AP3D1: variants seen among roughly 807,000 people sequenced by gnomAD.
AP3D1 encodes the protein adaptor related protein complex 3 subunit delta 1.
In AP3D1, 51 loss-of-function variants were observed where a neutral mutation model predicts 147.6. The observed-to-expected ratio is 0.35, with a 90% confidence interval of 0.28 to 0.44. The LOEUF (loss-of-function observed/expected upper bound fraction) is 0.44, where lower values mean the gene tolerates loss of function less well. AP3D1 is among the 20% of genes least tolerant of loss of function. The pLI is 1.00. For missense variants in AP3D1, 1,421 were observed against 1,624.2 expected (o/e 0.87, Z 2.15); for synonymous variants, 760 against 663.0 (o/e 1.15, Z -2.25).
intron 2 of AP3D1, 21 bp downstream of exon 2, chr19:2,138,598 T>A: frequency 1.9e-6 from 3 of 1,600,192 alleles, no homozygotes; most frequent in Non-Finnish European, 2.6e-6. Flanking sequence ...TGCTGGGCGC[T>A]GGCCACTGGG....
In AP3D1 at chr19:2,114,246, G is replaced by A. The variant is rs201113408; in HGVS notation, c.2480C>T (p.Ser827Leu). The A allele has an allele frequency of 4.2e-5, 68 of 1,613,614 alleles. No individual in the cohort carries two copies. In the Middle Eastern group the frequency reaches 1.8e-3, roughly 43 times the overall value. ...PIQKHRNTET[S>L]KSPEKDVPMV... ...GGGAACGTCCTTCTCAGGGGATTTT[G>A]AGGTCTCGGTGTTTCTGTGTTTCTG... Residue 827 changes from serine (S) to leucine (L), a missense_variant, in exon 22 of 32, where the codon TCA (serine) becomes TTA (leucine). Coordinates refer to ENST00000643116, the MANE Select transcript of AP3D1 (RefSeq NM_001261826.3).
chr19:2,116,611 C>A lies in AP3D1; in HGVS notation c.1995G>T (p.Leu665=). 1 of 1,593,838 alleles carries A rather than the reference C, an allele frequency of 6.3e-7. No homozygotes were observed. ...HRPSEADEEE[L]ARRREARKQE... ...GGGGCAGCCAGCAGCTCACCCGAGC[C>A]AGCTCTTCCTCGTCCGCCTCCGACG... Residue 665 remains leucine (L), a synonymous_variant, in exon 17 of 32, where the codon CTG becomes CTT. Coordinates refer to ENST00000643116, the MANE Select transcript of AP3D1 (RefSeq NM_001261826.3).
chr19:2,108,181 G>A (rs996490109), intron 31 of AP3D1, among the ~76,000 whole-genome samples: 1 of 152,138 alleles, frequency 6.6e-6, no homozygotes, highest in Non-Finnish European at 1.5e-5. Context: ...AACCAAAGAA[G>A]CCACCAGAAA....
Position 2,102,040 on chromosome 19 carries a change from G to A in AP3D1, c.*133C>T, listed in dbSNP as rs1221882474. The stretch of plus-strand genomic sequence containing the variant: ...AACAAATGACCTCGGATGTCTACAC[G>A]GCGGACAACATAGAGTTAAATTAAC... On this transcript the variant is annotated 3_prime_UTR_variant, in exon 32 of 32. Transcript: ENST00000643116. 9 of 681,172 alleles carry A rather than the reference G, an allele frequency of 1.3e-5. No homozygotes were observed. Among genetic ancestry groups the A allele is most frequent in the African/African-American group, 7.3e-5 (4 of 54,984 alleles). 42.2% of individuals were successfully genotyped at this position (681,172 alleles called of 1,614,324 possible).
Position 2,115,327 on chromosome 19 carries a change from C to A in AP3D1, c.2241G>T (p.Lys747Asn). ...GGCGCTTGCCCTTCTTCTCCTTCTC[C>A]TTCCTCTTTTTCCTCCTCTTGTCCT... ...LEKDKRRKKR[K>N]EKEKKGKRRH... The change falls in exon 20 of 32, where the codon AAG becomes AAT. Residue 747 changes from lysine to asparagine, a missense_variant. Lys to Asn is a moderately conservative substitution (Grantham distance 94, BLOSUM62 0). Around this residue, in one of 6 missense-constraint regions of AP3D1, gnomAD observed 791 missense variants for 761.4 expected, o/e 1.04. Coordinates refer to ENST00000643116, the MANE Select transcript of AP3D1 (RefSeq NM_001261826.3). The A allele has an allele frequency of 6.2e-7, 1 of 1,611,402 alleles. No homozygotes were observed. Among genetic ancestry groups the A allele is most frequent in the Non-Finnish European group, 8.5e-7 (1 of 1,179,912 alleles).
At chr19:2,124,950 G>A (rs1599466379) in intron 9 of AP3D1, among the ~76,000 whole-genome samples, 2 of 151,894 alleles carry the variant, frequency 1.3e-5, no homozygotes, top group African/African-American at 4.8e-5. Context: ...CCCCCCCACC[G>A]CCCCAAAAAA....
At chr19:2,102,344 A>G in intron 31 of AP3D1, 76 bp from the exon 32 acceptor site, 1 of 1,356,150 alleles carries the variant, frequency 7.4e-7, no homozygotes, top group Non-Finnish European at 1.0e-6. Flanking sequence ...CTGTGATCCC[A>G]GCATTTTGGG....
chr19:2,107,293 C>G (rs2144999313), intron 31 of AP3D1, among the ~76,000 whole-genome samples: 1 of 151,162 alleles, frequency 6.6e-6, no homozygotes, highest in Admixed American at 6.6e-5. Context: ...GTATCAAAAC[C>G]ACAACAGACC....
intron 5 of AP3D1, among the ~76,000 whole-genome samples, chr19:2,131,430 C>CTCCA: frequency 6.7e-6 from 1 of 149,362 alleles, no homozygotes. Flanking sequence ...ATCTAGACAC[C>CTCCA]GGGTGGACAG....
chr19:2,151,873 T>G (rs1179527264), upstream of AP3D1, among the ~76,000 whole-genome samples: 1 of 152,196 alleles, frequency 6.6e-6, no homozygotes, highest in Non-Finnish European at 1.5e-5. Context: ...TGAGCGTGGC[T>G]GGATGTGGGC....
At chr19:2,142,890 A>G (rs2019259015) in intron 1 of AP3D1, among the ~76,000 whole-genome samples, 1 of 151,558 alleles carries the variant, frequency 6.6e-6, no homozygotes, top group South Asian at 2.1e-4. Flanking sequence ...TCAGCCTCCC[A>G]AGTAGCTGGG....
At position 2,111,752 on chromosome 19, in the gene AP3D1, T is replaced by G. The variant is rs768347532; in HGVS notation, c.2864A>C (p.Lys955Thr). The change falls in exon 25 of 32, where the codon AAG (lysine) becomes ACG (threonine). Residue 955 changes from lysine (K) to threonine (T), a missense_variant. Around this residue, in one of 6 missense-constraint regions of AP3D1, gnomAD observed 791 missense variants for 761.4 expected, o/e 1.04. Transcript: ENST00000643116. Reference protein sequence around the residue: ...ERTKGKKKSKKQPPGSEEAAG... With the variant: ...ERTKGKKKSKTQPPGSEEAAG... Reference sequence around the variant, plus strand: ...TGCCTCCTCGCTGCCTGGAGGCTGCTTCTTGGACTTCTTCTTGCCTTTGGT... The same window carrying G: ...TGCCTCCTCGCTGCCTGGAGGCTGCGTCTTGGACTTCTTCTTGCCTTTGGT... 3 of 1,611,024 alleles carry G rather than the reference T, an allele frequency of 1.9e-6. No homozygotes were observed. Among genetic ancestry groups the G allele is most frequent in the South Asian group, 2.2e-5 (2 of 90,576 alleles).
At chr19:2,132,739 G>A (rs1020607446) in intron 4 of AP3D1, among the ~76,000 whole-genome samples, 161 bp from the exon 5 acceptor site, 9 of 152,182 alleles carry the variant, frequency 5.9e-5, no homozygotes, top group Non-Finnish European at 8.8e-5. Context: ...GCTGCTGAGG[G>A]GTCTGAAGCT....
intron 1 of AP3D1, among the ~76,000 whole-genome samples, chr19:2,158,695 C>G (rs2019669522): frequency 6.6e-6 from 1 of 151,872 alleles, no homozygotes; most frequent in Non-Finnish European, 1.5e-5. Context: ...CCTCCGCCTC[C>G]CAGGTTCAAA....
At chr19:2,161,142 G>A (rs1329230197) in intron 1 of AP3D1, among the ~76,000 whole-genome samples, 14 of 151,458 alleles carry the variant, frequency 9.2e-5, no homozygotes, top group Admixed American at 7.9e-4. Flanking sequence ...TGGCCCATCA[G>A]GAGCTTCTCC....
intron 16 of AP3D1, 183 bp downstream of exon 16, chr19:2,117,039 G>T: frequency 1.1e-6 from 1 of 873,796 alleles, no homozygotes; most frequent in Non-Finnish European, 1.7e-6. Flanking sequence ...CCAGGCAGAA[G>T]CCAGATCCCA....
intron 10 of AP3D1, 25 bp downstream of exon 10, chr19:2,123,805 G>A: frequency 4.5e-6 from 7 of 1,558,048 alleles, no homozygotes; most frequent in Non-Finnish European, 5.2e-6. Context: ...GGGACCCCAT[G>A]GGCCCCGCCC....
chr19:2,138,370 A>G (rs985077172), intron 2 of AP3D1, among the ~76,000 whole-genome samples: 2 of 152,208 alleles, frequency 1.3e-5, no homozygotes, highest in Admixed American at 6.5e-5. Flanking sequence ...CCCACCCAGA[A>G]GAGGACCCCA....
chr19:2,125,649 G>A (rs1040619970), intron 9 of AP3D1, among the ~76,000 whole-genome samples: 6 of 152,168 alleles, frequency 3.9e-5, no homozygotes, highest in African/African-American at 1.2e-4. Context: ...AAAGTAGATG[G>A]TAATTTTTTT....
Sources: gnomAD v4.1 joint callset for allele counts (sites outside exome capture counted in the v4.1 genomes callset) on GRCh38, gnomAD v4.1.1 for gene constraint, gnomAD v4.1.1 regional missense constraint, MANE v1.5 for transcripts, NCBI Gene and HGNC (gene_info 2026-07-23, HGNC 2026-07-21) for gene names.